Variants in ZBTB20 observed in about 807,000 individuals in gnomAD.
The protein encoded by ZBTB20 is zinc finger and BTB domain-containing protein 20.
A neutral mutation model predicts 56.9 loss-of-function variants in ZBTB20; 9 were observed. The ratio of observed to expected loss-of-function variants is 0.16; its 90% CI spans 0.10 to 0.28. The LOEUF is 0.28. ZBTB20 is among the 10% of genes least tolerant of loss of function. The pLI is 1.00. For missense variants in ZBTB20, 655 were observed against 1,003.0 expected (o/e 0.65, Z 4.69); for synonymous variants, 417 against 420.7 (o/e 0.99, Z 0.11).
At chr3:114,815,151 G>T (rs1466583381) in intron 4 of ZBTB20, among the ~76,000 whole-genome samples, 1 of 152,088 alleles carries the variant, frequency 6.6e-6, no homozygotes, top group Non-Finnish European at 1.5e-5. Context: ...TCGGAGACAT[G>T]GATTATTTGT....
At chr3:114,390,356 T>G (rs1353431276) in intron 7 of ZBTB20, among the ~76,000 whole-genome samples, 4 of 152,188 alleles carry the variant, frequency 2.6e-5, no homozygotes, top group Non-Finnish European at 1.5e-5. Context: ...TTTCAGTCTC[T>G]CTCTTTATTG....
chr3:115,009,677 T>C (rs2079618486), intron 2 of ZBTB20, among the ~76,000 whole-genome samples: 1 of 151,890 alleles, frequency 6.6e-6, no homozygotes, highest in Admixed American at 6.6e-5. Flanking sequence ...GATTAGGTCA[T>C]GAGGGCTCCA....
At chr3:114,442,584 T>C (rs913462066) in intron 7 of ZBTB20, among the ~76,000 whole-genome samples, 1 of 152,200 alleles carries the variant, frequency 6.6e-6, no homozygotes, top group Admixed American at 6.5e-5. Flanking sequence ...TTCTACTAAA[T>C]GTGACCTTGT....
chr3:114,633,019 G>T (rs1340405162), intron 6 of ZBTB20, among the ~76,000 whole-genome samples: 2 of 152,190 alleles, frequency 1.3e-5, no homozygotes, highest in Non-Finnish European at 2.9e-5. Context: ...ACATGAATAT[G>T]ACTTTTTTAC....
chr3:114,702,124 G>A (rs2063425829), intron 5 of ZBTB20, among the ~76,000 whole-genome samples: 1 of 152,102 alleles, frequency 6.6e-6, no homozygotes, highest in African/African-American at 2.4e-5. Context: ...CATGGCTTGA[G>A]CCCAGGAGTT....
chr3:114,634,678 G>A (rs928085361), intron 6 of ZBTB20, among the ~76,000 whole-genome samples: 28 of 152,314 alleles, frequency 1.8e-4, no homozygotes, highest in Admixed American at 1.6e-3. Flanking sequence ...GCATTTGCAT[G>A]GGTAAAAAGT....
chr3:114,890,909 C>T (rs1200170232), intron 4 of ZBTB20, among the ~76,000 whole-genome samples: 1 of 152,072 alleles, frequency 6.6e-6, no homozygotes, highest in African/African-American at 2.4e-5. Context: ...CCAATCTGAA[C>T]TCACTTGTAT....
chr3:114,533,704 A>G (rs1434801025), intron 6 of ZBTB20, among the ~76,000 whole-genome samples: 4 of 152,204 alleles, frequency 2.6e-5, no homozygotes. Flanking sequence ...ACCAAGATTG[A>G]AATGAAGGAA....
intron 7 of ZBTB20, among the ~76,000 whole-genome samples, chr3:114,486,930 A>C (rs1456659438): frequency 6.6e-6 from 1 of 152,146 alleles, no homozygotes; most frequent in Non-Finnish European, 1.5e-5. Flanking sequence ...AATGAAGAAT[A>C]ATATAGAGAC....
chr3:115,022,949 A>T (rs192255729), intron 2 of ZBTB20, among the ~76,000 whole-genome samples: 1 of 151,130 alleles, frequency 6.6e-6, no homozygotes, highest in East Asian at 2.0e-4. Context: ...TATGCAAAAC[A>T]CTGTGCGAGA....
Position 114,411,085 on chromosome 3 carries a change from G to A in ZBTB20, c.-254-21980C>T, listed in dbSNP as rs556840836. On this transcript the variant is annotated intron_variant, in intron 7 of 11. Transcript: ENST00000675478. ...ACTTACAGGGTTAAAAGCAAACTGA[G>A]AGCTCTTCTATTCCCAAATCTGAAT... Among the ~76,000 whole-genome samples, 108 of 152,288 alleles carry A rather than the reference G, an allele frequency of 7.1e-4. 1 individual carries two copies. The highest frequency in any genetic ancestry group is 2.1e-3 in the South Asian group (10 of 4,830).
intron 7 of ZBTB20, among the ~76,000 whole-genome samples, chr3:114,394,001 T>C (rs1416166148): frequency 6.6e-6 from 1 of 152,198 alleles, no homozygotes; most frequent in African/African-American, 2.4e-5. Context: ...ACTTTGAGTA[T>C]GGCCTGTCCC....
At chr3:114,497,955 C>A (rs1390499062) in intron 7 of ZBTB20, among the ~76,000 whole-genome samples, 1 of 152,150 alleles carries the variant, frequency 6.6e-6, no homozygotes, top group East Asian at 1.9e-4. Context: ...ATGGGTATGG[C>A]AGGGGCTGGT....
At chr3:114,595,534 A>C (rs986090661) in intron 6 of ZBTB20, among the ~76,000 whole-genome samples, 1 of 152,248 alleles carries the variant, frequency 6.6e-6, no homozygotes, top group Non-Finnish European at 1.5e-5. Flanking sequence ...ATTGAGATCC[A>C]TCCAACTTAG....
At chr3:114,591,586 G>T (rs939045413) in intron 6 of ZBTB20, among the ~76,000 whole-genome samples, 4 of 152,174 alleles carry the variant, frequency 2.6e-5, no homozygotes, top group Non-Finnish European at 5.9e-5. Context: ...TCAGGTGTTT[G>T]GTGCTAGCTC....
chr3:114,716,409 A>G (rs978326763), intron 5 of ZBTB20, among the ~76,000 whole-genome samples: 2 of 152,152 alleles, frequency 1.3e-5, no homozygotes, highest in African/African-American at 2.4e-5. Flanking sequence ...TTTCTTCTTG[A>G]CAGTGTGCGT....
chr3:114,809,818 T>G (rs1352052724), intron 4 of ZBTB20, among the ~76,000 whole-genome samples: 1 of 152,250 alleles, frequency 6.6e-6, no homozygotes, highest in East Asian at 1.9e-4. Flanking sequence ...ACAGCAACTC[T>G]GGCTTCTGAC....
At chr3:114,843,622 GCC>G (rs1444084498) in intron 4 of ZBTB20, among the ~76,000 whole-genome samples, 2 of 152,106 alleles carry the variant, frequency 1.3e-5, no homozygotes, top group Admixed American at 1.3e-4. Flanking sequence ...TCCCACCTCA[GCC>G]TCCTAAAGCT....
chr3:115,012,692 T>C (rs967091971), intron 2 of ZBTB20, among the ~76,000 whole-genome samples: 3 of 151,812 alleles, frequency 2.0e-5, no homozygotes, highest in African/African-American at 4.8e-5. Flanking sequence ...AACTTCAGAT[T>C]TAATCTGTGC....
Sources: gnomAD v4.1 joint callset for allele counts (sites outside exome capture counted in the v4.1 genomes callset) on GRCh38, gnomAD v4.1.1 for gene constraint, MANE v1.5 for transcripts, NCBI Gene and HGNC (gene_info 2026-07-23, HGNC 2026-07-21) for gene names.